Variants in ATP11C observed in about 807,000 individuals in gnomAD.
ATP11C encodes the protein ATPase phospholipid transporting 11C (ATP11C blood group).
ATP11C carries 36 observed loss-of-function variants against 97.4 expected under a neutral mutation model. The ratio of observed to expected loss-of-function variants is 0.37; its 90% confidence interval spans 0.28 to 0.49. The LOEUF is 0.49. Ranked by LOEUF, ATP11C falls within the 20% of genes least tolerant of loss-of-function variation. The pLI is 0.98. For missense variants in ATP11C, 730 were observed against 824.6 expected (o/e 0.89, Z 1.40); for synonymous variants, 275 against 290.9 (o/e 0.95, Z 0.56).
At chrX:139,845,770 T>G (rs964068216) in intron 1 of ATP11C, among the ~76,000 whole-genome samples, 3 of 112,484 alleles carry the variant, frequency 2.7e-5, no homozygotes, top group Non-Finnish European at 5.6e-5. Context: ...CTCTCGCTAA[T>G]TTTCTGCAAT....
intron 1 of ATP11C, among the ~76,000 whole-genome samples, chrX:139,859,037 T>C: frequency 8.9e-6 from 1 of 112,587 alleles, no homozygotes; most frequent in Middle Eastern, 4.6e-3. Context: ...ACATTTTTTT[T>C]AAATTCAAAC....
Position 139,728,523 on chromosome X carries a change from A to G in ATP11C, c.*443T>C, listed in dbSNP as rs1404388185. ...TAGGAGGAATGAGAAATGTGATCCA[A>G]ATAGTCTATTTCTTCTGCCAGGCAA... On this transcript the variant is annotated 3_prime_UTR_variant, in exon 30 of 30. Transcript: ENST00000682941. The G allele has an allele frequency of 1.6e-5, 2 of 124,562 alleles. No homozygotes were observed. The highest frequency in any genetic ancestry group is 3.3e-5 in the Non-Finnish European group (2 of 60,953). 10.3% of individuals were successfully genotyped at this position (124,562 alleles called of 1,213,427 possible).
At chrX:139,798,482 T>C (rs1569460589) in intron 9 of ATP11C, 128 bp from the exon 10 acceptor site, 1 of 516,480 alleles carries the variant, frequency 1.9e-6, no homozygotes, top group Non-Finnish European at 3.2e-6. Flanking sequence ...CAGTTGTATA[T>C]CATTTATAGG....
chrX:139,903,866 A>G (rs1415799040), intron 1 of ATP11C, among the ~76,000 whole-genome samples: 1 of 110,487 alleles, frequency 9.1e-6, no homozygotes, highest in Non-Finnish European at 1.9e-5. Context: ...TTCACTCAAT[A>G]TTTTTATAGA....
chrX:139,929,871 TG>T (rs1431257684), intron 1 of ATP11C, among the ~76,000 whole-genome samples: 1 of 111,147 alleles, frequency 9.0e-6, no homozygotes, highest in Admixed American at 9.6e-5. Flanking sequence ...ATCTAAGAGA[TG>T]GAAAAATTGC....
chrX:139,886,145 A>T (rs537898575), intron 1 of ATP11C, among the ~76,000 whole-genome samples: 1 of 111,981 alleles, frequency 8.9e-6, no homozygotes, highest in African/African-American at 3.2e-5. Flanking sequence ...AAAAGAATCT[A>T]TAAGAGACTA....
chrX:139,889,790 T>G lies in ATP11C; in HGVS notation c.27+42226A>C, dbSNP rs1301976687. Among the ~76,000 whole-genome samples the G allele has an allele frequency of 2.7e-5, 3 of 112,110 alleles. No individual in the cohort carries two copies. The Admixed American group carries it at 2.8e-4, about 11-fold the overall frequency. On this transcript the variant is annotated intron_variant, in intron 1 of 29. Coordinates refer to ENST00000682941, the MANE Select transcript of ATP11C (RefSeq NM_001353812.2). ...CTCTCACTGTTAATTGATATAATTG[T>G]GTAAAAACGGGCTCTGGTAAGAAGG...
chrX:139,791,902 T>C (rs2082697512), intron 12 of ATP11C, among the ~76,000 whole-genome samples: 1 of 111,330 alleles, frequency 9.0e-6, no homozygotes, highest in Non-Finnish European at 1.9e-5. Context: ...ATATATTTGA[T>C]AAATATATAT....
At chrX:139,731,832 G>A (rs2081348834) in intron 28 of ATP11C, 77 bp from the exon 29 acceptor site, 4 of 622,963 alleles carry the variant, frequency 6.4e-6, no homozygotes, top group Non-Finnish European at 7.1e-6. Context: ...TTTAAAAAAA[G>A]GTAAAAGAAA....
chrX:139,843,014 C>T (rs890033658), intron 1 of ATP11C, among the ~76,000 whole-genome samples: 1 of 112,201 alleles, frequency 8.9e-6, no homozygotes, highest in Non-Finnish European at 1.9e-5. Context: ...AACTGCTGTT[C>T]TCTTGGACTG....
chrX:139,877,533 C>A (rs1189672913), intron 1 of ATP11C, among the ~76,000 whole-genome samples: 1 of 111,203 alleles, frequency 9.0e-6, no homozygotes, highest in East Asian at 2.8e-4. Flanking sequence ...CACCTAGTAT[C>A]AGTAGAGCTG....
At position 139,728,689 on chromosome X, in the gene ATP11C, T is replaced by G. The variant is rs1038275570; in HGVS notation, c.*277A>C. 6.0e-6 allele frequency: 2 copies of G among 335,433 alleles called. No homozygotes were observed. Among genetic ancestry groups the G allele is most frequent in the African/African-American group, 5.1e-5 (2 of 38,871 alleles). The allele number at this position is 335,433 out of a possible 1,213,427, so 27.6% of individuals were successfully genotyped here. Reference sequence around the variant, plus strand: ...ATTACTCTAACTAAAGCCAGAATTCTAAGTATTCTTGCTTTCAACTTTCAT... The same window carrying G: ...ATTACTCTAACTAAAGCCAGAATTCGAAGTATTCTTGCTTTCAACTTTCAT... On this transcript the variant is annotated 3_prime_UTR_variant, in exon 30 of 30. Coordinates refer to ENST00000682941, the MANE Select transcript of ATP11C (RefSeq NM_001353812.2).
chrX:139,841,510 T>C (rs191100458), intron 1 of ATP11C, among the ~76,000 whole-genome samples: 1 of 112,725 alleles, frequency 8.9e-6, no homozygotes, highest in African/African-American at 3.2e-5. Flanking sequence ...AAGCTATTTG[T>C]TCAAATGAAA....
At chrX:139,862,188 CA>C (rs2084211111) in intron 1 of ATP11C, among the ~76,000 whole-genome samples, 1 of 111,704 alleles carries the variant, frequency 9.0e-6, no homozygotes, top group African/African-American at 3.3e-5. Flanking sequence ...GTGGTACACC[CA>C]GGGAGGTCAT....
Position 139,788,173 on chromosome X carries a change from A to G in ATP11C, c.1520+19T>C. 1 of 1,170,884 alleles carries G rather than the reference A, an allele frequency of 8.5e-7. No individual in the cohort carries two copies. The highest frequency in any genetic ancestry group is 1.2e-6 in the Non-Finnish European group (1 of 869,014). On this transcript the variant is annotated intron_variant, in intron 14 of 29. Transcript: ENST00000682941. ...GTGATTTCACTTTCTTAGGAGAAGT[A>G]TAAGAAAGTATACTTTACCTTTTAG...
At chrX:139,773,150 TTC>T (rs1185523517) in intron 19 of ATP11C, among the ~76,000 whole-genome samples, 3 of 111,354 alleles carry the variant, frequency 2.7e-5, no homozygotes, top group Non-Finnish European at 5.7e-5. Flanking sequence ...TATCAGGGGT[TTC>T]TGTTTTCGCT....
intron 1 of ATP11C, among the ~76,000 whole-genome samples, chrX:139,920,553 G>A (rs1188687124): frequency 4.5e-5 from 5 of 111,316 alleles, no homozygotes; most frequent in Non-Finnish European, 7.5e-5. Flanking sequence ...AAGAGCTAAC[G>A]GATGGGGTTT....
At chrX:139,758,783 C>T (rs2081984916) in intron 22 of ATP11C, among the ~76,000 whole-genome samples, 1 of 111,739 alleles carries the variant, frequency 8.9e-6, no homozygotes. Flanking sequence ...CTTCAAGAGC[C>T]CACTTTCCAG....
At chrX:139,793,280 T>C (rs1485911215) in intron 12 of ATP11C, among the ~76,000 whole-genome samples, 2 of 111,942 alleles carry the variant, frequency 1.8e-5, no homozygotes, top group African/African-American at 6.5e-5. Flanking sequence ...AATGTGTATT[T>C]ACCACTTGAA....
Sources: gnomAD v4.1 joint callset for allele counts (sites outside exome capture counted in the v4.1 genomes callset) on GRCh38, gnomAD v4.1.1 for gene constraint, MANE v1.5 for transcripts, NCBI Gene and HGNC (gene_info 2026-07-23, HGNC 2026-07-21) for gene names.